Variants in LINC00237 observed in about 807,000 individuals in gnomAD.
LINC00237 encodes the protein long intergenic non-protein coding RNA 237.
intron 2 of LINC00237, among the ~76,000 whole-genome samples, chr20:21,091,904 T>C (rs56740056): frequency 0.13 from 19,474 of 152,262 alleles, 1,417 homozygotes; most frequent in East Asian, 0.31. Flanking sequence ...CCAGATTTCT[T>C]TGGTATTTGT....
At chr20:21,105,663 C>T (rs1325606987) in intron 1 of LINC00237, among the ~76,000 whole-genome samples, 1 of 152,210 alleles carries the variant, frequency 6.6e-6, no homozygotes, top group Non-Finnish European at 1.5e-5. Context: ...AGAGTGCCGG[C>T]CAGGAGTCCC....
chr20:21,100,400 G>C (rs977583141), intron 1 of LINC00237, among the ~76,000 whole-genome samples: 2 of 152,234 alleles, frequency 1.3e-5, no homozygotes, highest in Non-Finnish European at 2.9e-5. Context: ...TTAGCCCGGG[G>C]TTTCACCGAA....
chr20:21,087,601 A>G (rs1367773637), intron 3 of LINC00237: 2 of 152,132 alleles, frequency 1.3e-5, no homozygotes, highest in Non-Finnish European at 2.9e-5. Flanking sequence ...ATTGTTGTTC[A>G]CTTTAATTTT....
chr20:21,102,480 A>C (rs2030944888), intron 1 of LINC00237, among the ~76,000 whole-genome samples: 1 of 152,172 alleles, frequency 6.6e-6, no homozygotes, highest in South Asian at 2.1e-4. Context: ...GGACCCACTA[A>C]GAGGGCCTTT....
intron 3 of LINC00237, among the ~76,000 whole-genome samples, chr20:21,086,793 A>G (rs867243058): frequency 1.5e-4 from 19 of 126,134 alleles, no homozygotes; most frequent in Admixed American, 3.2e-4. Context: ...CTATATATAC[A>G]TATACTATAT....
chr20:21,094,635 A>G (rs1310345100), intron 1 of LINC00237, among the ~76,000 whole-genome samples: 1 of 152,200 alleles, frequency 6.6e-6, no homozygotes, highest in Non-Finnish European at 1.5e-5. Flanking sequence ...CATTCCATGT[A>G]GCTCTTCCCA....
intron 2 of LINC00237, among the ~76,000 whole-genome samples, chr20:21,090,921 G>A (rs2030783576): frequency 6.6e-6 from 1 of 152,106 alleles, no homozygotes; most frequent in Non-Finnish European, 1.5e-5. Flanking sequence ...TGTGTTATCC[G>A]ATATGTTGCT....
intron 3 of LINC00237, among the ~76,000 whole-genome samples, chr20:21,087,030 AG>A (rs2030721471): frequency 6.9e-6 from 1 of 144,648 alleles, no homozygotes; most frequent in Non-Finnish European, 1.5e-5. Flanking sequence ...TACTCTATAT[AG>A]TATATAGAGT....
At chr20:21,104,684 T>C (rs1175018222) in intron 1 of LINC00237, among the ~76,000 whole-genome samples, 1 of 152,206 alleles carries the variant, frequency 6.6e-6, no homozygotes, top group Non-Finnish European at 1.5e-5. Context: ...CCAAATATCC[T>C]GGAATTGCAG....
intron 2 of LINC00237, chr20:21,089,750 G>A (rs938481993): frequency 2.0e-5 from 3 of 152,188 alleles, no homozygotes; most frequent in African/African-American, 7.2e-5. Flanking sequence ...CTGTGGTTTT[G>A]TGACAACCTA....
chr20:21,089,447 C>A (rs758523776), intron 2 of LINC00237, among the ~76,000 whole-genome samples: 1 of 151,864 alleles, frequency 6.6e-6, no homozygotes, highest in East Asian at 1.9e-4. Context: ...GGAAGGGAAA[C>A]GAGAAAAAAG....
chr20:21,099,399 T>C (rs1301659763), intron 1 of LINC00237, among the ~76,000 whole-genome samples: 1 of 152,238 alleles, frequency 6.6e-6, no homozygotes, highest in Non-Finnish European at 1.5e-5. Flanking sequence ...TTGGTCTCCC[T>C]GTAGCCCACC....
chr20:21,103,805 C>G (rs185421185), intron 1 of LINC00237, among the ~76,000 whole-genome samples: 1 of 152,168 alleles, frequency 6.6e-6, no homozygotes, highest in Non-Finnish European at 1.5e-5. Context: ...CCACCCCACG[C>G]GTCACTGATC....
intron 2 of LINC00237, chr20:21,092,730 T>C (rs1345515372): frequency 1.3e-5 from 2 of 152,184 alleles, no homozygotes; most frequent in Non-Finnish European, 2.9e-5. Flanking sequence ...TGATGCTGAA[T>C]AGAAAATGCA....
chr20:21,087,665 T>G (rs2030732488), intron 3 of LINC00237: 1 of 152,170 alleles, frequency 6.6e-6, no homozygotes, highest in Non-Finnish European at 1.5e-5. Context: ...TAGTTTGCAT[T>G]CCCCCAGTCT....
At chr20:21,103,606 TGAG>T (rs1188684208) in intron 1 of LINC00237, among the ~76,000 whole-genome samples, 1 of 152,228 alleles carries the variant, frequency 6.6e-6, no homozygotes, top group Admixed American at 6.5e-5. Context: ...ACAGTGTCTG[TGAG>T]GAGAAGTGAA....
At chr20:21,086,461 A>G (rs1382429315) in intron 3 of LINC00237, among the ~76,000 whole-genome samples, 4 of 150,496 alleles carry the variant, frequency 2.7e-5, no homozygotes, top group African/African-American at 9.8e-5. Flanking sequence ...ACAAGTATCT[A>G]TATCTATATA....
chr20:21,104,892 C>T (rs1365246676), intron 1 of LINC00237, among the ~76,000 whole-genome samples: 1 of 152,186 alleles, frequency 6.6e-6, no homozygotes, highest in Non-Finnish European at 1.5e-5. Flanking sequence ...ATACTGTGAC[C>T]TCTGTTTACA....
chr20:21,097,001 C>T (rs543740217), intron 1 of LINC00237, among the ~76,000 whole-genome samples: 47 of 152,274 alleles, frequency 3.1e-4, no homozygotes, highest in Admixed American at 9.8e-4. Context: ...GGGAAGGGCA[C>T]CCCTATGTGA....
Sources: allele counts gnomAD v4.1 joint callset (sites outside exome capture counted in the v4.1 genomes callset), GRCh38; gene constraint gnomAD v4.1.1; transcripts MANE v1.5; gene names NCBI Gene and HGNC (gene_info 2026-07-23, HGNC 2026-07-21).